Variants in CAP1 observed in about 807,000 individuals in gnomAD.
CAP1 encodes cyclase associated actin cytoskeleton regulatory protein 1, also known as adenylyl cyclase-associated protein 1.
In CAP1, 11 loss-of-function variants were observed where a neutral mutation model predicts 58.2. The ratio of observed to expected loss-of-function variants is 0.19; its 90% CI spans 0.12 to 0.31. The LOEUF (loss-of-function observed/expected upper bound fraction) is 0.31, where lower values mean the gene tolerates loss of function less well. CAP1 is among the 10% of genes least tolerant of loss of function. The pLI is 1.00. For synonymous variants in CAP1, 183 were observed against 213.8 expected (o/e 0.86, Z 1.26); for missense variants, 423 against 587.5 (o/e 0.72, Z 2.89).
At chr1:40,058,187 C>G (rs1646694388) in intron 1 of CAP1, among the ~76,000 whole-genome samples, 1 of 152,094 alleles carries the variant, frequency 6.6e-6, no homozygotes, top group Non-Finnish European at 1.5e-5. Context: ...ATAACAAATT[C>G]TTTTGGATGT....
chr1:40,054,193 C>CTTT (rs398052925), intron 1 of CAP1, among the ~76,000 whole-genome samples: 7 of 136,392 alleles, frequency 5.1e-5, no homozygotes, highest in South Asian at 2.4e-4. Flanking sequence ...GCCCACTGTT[C>CTTT]TTTTTTTTTT....
intron 3 of CAP1, among the ~76,000 whole-genome samples, chr1:40,061,169 T>TA (rs397826855): frequency 6.6e-6 from 1 of 151,796 alleles, no homozygotes; most frequent in Non-Finnish European, 1.5e-5. Context: ...TTTTTTTTTT[T>TA]AACTTTTTAT....
intron 6 of CAP1, 38 bp downstream of exon 6, chr1:40,064,597 G>A (rs368328565): frequency 2.0e-5 from 30 of 1,515,500 alleles, no homozygotes; most frequent in Non-Finnish European, 2.7e-5. Context: ...TCTTTTCTGA[G>A]ACAGTGTCTT....
chr1:40,052,630 G>A (rs1646426506), intron 1 of CAP1, among the ~76,000 whole-genome samples: 2 of 152,184 alleles, frequency 1.3e-5, no homozygotes, highest in South Asian at 2.1e-4. Flanking sequence ...CTGGCCTTAA[G>A]CCATCCTCCT....
At chr1:40,052,747 A>G (rs1011923346) in intron 1 of CAP1, among the ~76,000 whole-genome samples, 2 of 151,700 alleles carry the variant, frequency 1.3e-5, no homozygotes, top group African/African-American at 4.8e-5. Context: ...TCTATCCTGA[A>G]TGTGATTGAA....
intron 9 of CAP1, 131 bp downstream of exon 9, chr1:40,070,005 G>A: frequency 2.9e-6 from 4 of 1,392,014 alleles, no homozygotes; most frequent in South Asian, 2.8e-5. Context: ...CGCCTCCCGG[G>A]GAAAAGGAGT....
intron 1 of CAP1, chr1:40,041,454 G>T (rs1645826416): frequency 6.6e-6 from 1 of 152,174 alleles, no homozygotes; most frequent in Non-Finnish European, 1.5e-5. Context: ...TTCCTCCTCG[G>T]CTGCTGCTCT....
chr1:40,059,534 G>C (rs1332236205), intron 2 of CAP1, 76 bp downstream of exon 2: 1 of 850,650 alleles, frequency 1.2e-6, no homozygotes, highest in Non-Finnish European at 2.0e-6. Flanking sequence ...TCTCTCCTTT[G>C]GCGCTAACTT....
chr1:40,049,821 T>C (rs1224711287), intron 1 of CAP1, among the ~76,000 whole-genome samples: 1 of 152,198 alleles, frequency 6.6e-6, no homozygotes, highest in Non-Finnish European at 1.5e-5. Context: ...CATTATTCTC[T>C]TAAGGCCCCC....
chr1:40,062,475 T>C (rs946166136), intron 4 of CAP1, among the ~76,000 whole-genome samples: 20 of 152,118 alleles, frequency 1.3e-4, no homozygotes, highest in Admixed American at 1.3e-4. Flanking sequence ...TCTGGTTAAG[T>C]GTGCTGGCTC....
rs779037550 is a variant in CAP1 at position 40,067,641 on chromosome 1, C to T, written c.732C>T (p.Thr244=). Residue 244 remains threonine, a synonymous_variant, in exon 8 of 13, where the codon ACC becomes ACT. Transcript: ENST00000372805. ...PPCPPPPPVS[T]ISCSYESASR... ...GCCCCCCTCCTCCCCCAGTCTCTAC[C>T]ATTTCATGCTCATATGAGTCTGCTT... 2 of 1,582,016 alleles carry T rather than the reference C, an allele frequency of 1.3e-6. No homozygotes were observed. The highest frequency in any genetic ancestry group is 2.3e-5 in the East Asian group (1 of 43,648).
At chr1:40,041,113 T>A (rs987918349) in intron 1 of CAP1, 1 of 152,316 alleles carries the variant, frequency 6.6e-6, no homozygotes, top group African/African-American at 2.4e-5. Context: ...GTCTTCCCTG[T>A]CTCCTGTTGA....
intron 1 of CAP1, among the ~76,000 whole-genome samples, chr1:40,052,150 A>G (rs1646403192): frequency 1.3e-5 from 2 of 152,198 alleles, no homozygotes; most frequent in South Asian, 4.1e-4. Flanking sequence ...TTGAGCCTAT[A>G]TTCTAGTACG....
chr1:40,044,659 GT>G (rs1645997330), intron 1 of CAP1, among the ~76,000 whole-genome samples: 1 of 151,830 alleles, frequency 6.6e-6, no homozygotes, highest in Admixed American at 6.6e-5. Flanking sequence ...GATGATACAG[GT>G]TGACTTTCTA....
At chr1:40,054,473 G>GT (rs1228799995) in intron 1 of CAP1, among the ~76,000 whole-genome samples, 7 of 152,038 alleles carry the variant, frequency 4.6e-5, no homozygotes, top group Admixed American at 6.6e-5. Flanking sequence ...AATGTACAGT[G>GT]TTTTTAATGC....
At chr1:40,054,570 A>G (rs1457584022) in intron 1 of CAP1, among the ~76,000 whole-genome samples, 3 of 152,104 alleles carry the variant, frequency 2.0e-5, no homozygotes, top group Admixed American at 2.0e-4. Context: ...GTTAGAGGAG[A>G]TCAGATGCAT....
At chr1:40,070,808 G>A in intron 11 of CAP1, 28 bp from the exon 12 acceptor site, 2 of 1,586,730 alleles carry the variant, frequency 1.3e-6, no homozygotes, top group Non-Finnish European at 1.7e-6. Flanking sequence ...CAACCACTGG[G>A]ACTCAGTTCT....
At chr1:40,070,318 C>G in intron 10 of CAP1, 36 bp downstream of exon 10, 1 of 1,613,480 alleles carries the variant, frequency 6.2e-7, no homozygotes. Flanking sequence ...AAGCCCCGTC[C>G]CAGAGCCCGA....
chr1:40,057,139 C>T (rs1320821059), intron 1 of CAP1, among the ~76,000 whole-genome samples: 2 of 152,220 alleles, frequency 1.3e-5, no homozygotes, highest in Non-Finnish European at 2.9e-5. Flanking sequence ...ACTCTGGCAG[C>T]CTCTAGCAAT....
Sources: gnomAD v4.1 joint callset for allele counts (sites outside exome capture counted in the v4.1 genomes callset) on GRCh38, gnomAD v4.1.1 for gene constraint, MANE v1.5 for transcripts, NCBI Gene and HGNC (gene_info 2026-07-23, HGNC 2026-07-21) for gene names.